FAM184A: variants seen among roughly 807,000 people sequenced by gnomAD.
The protein encoded by FAM184A is protein FAM184A.
In FAM184A, 99 loss-of-function variants were observed where a neutral mutation model predicts 143.8. The observed-to-expected ratio is 0.69, with a 90% CI of 0.58 to 0.81. The LOEUF is 0.81. FAM184A is among the 40% of genes least tolerant of loss of function. The pLI is 0.00. For missense variants in FAM184A, 1,217 were observed against 1,310.5 expected, an observed-to-expected ratio of 0.93 and a Z score of 1.10; for synonymous variants, 427 against 446.4, an observed-to-expected ratio of 0.96 and a Z score of 0.55.
chr6:119,068,004 T>A (rs1582580319), intron 1 of FAM184A, among the ~76,000 whole-genome samples: 1 of 148,832 alleles, frequency 6.7e-6, no homozygotes, highest in Non-Finnish European at 1.5e-5. Flanking sequence ...ACAAACAAAA[T>A]AAAGACATAT....
At chr6:119,015,003 G>A (rs1344638880) in intron 5 of FAM184A, among the ~76,000 whole-genome samples, 1 of 151,722 alleles carries the variant, frequency 6.6e-6, no homozygotes, top group East Asian at 1.9e-4. Context: ...AGGTTGCAAT[G>A]AGCCGAGATT....
At chr6:119,032,918 A>G (rs1006274154) in intron 1 of FAM184A, among the ~76,000 whole-genome samples, 5 of 152,186 alleles carry the variant, frequency 3.3e-5, no homozygotes, top group African/African-American at 2.4e-5. Flanking sequence ...AGAATATTGA[A>G]AACTCTCAAA....
intron 1 of FAM184A, among the ~76,000 whole-genome samples, chr6:119,048,214 T>C (rs993313962): frequency 5.3e-5 from 8 of 152,118 alleles, no homozygotes; most frequent in African/African-American, 1.9e-4. Flanking sequence ...AAACAAGATA[T>C]TGAAGGAACA....
chr6:119,072,278 A>G (rs1002087431), intron 1 of FAM184A, among the ~76,000 whole-genome samples: 9 of 152,340 alleles, frequency 5.9e-5, no homozygotes, highest in Admixed American at 2.6e-4. Flanking sequence ...AATGCAACAA[A>G]TTAATCCAAA....
At chr6:118,985,899 A>T (rs1784177517) in intron 9 of FAM184A, among the ~76,000 whole-genome samples, 1 of 152,228 alleles carries the variant, frequency 6.6e-6, no homozygotes, top group Non-Finnish European at 1.5e-5. Flanking sequence ...CTTAACGAAA[A>T]TGGTCATGTA....
At chr6:119,060,894 G>C (rs1266053514) in intron 1 of FAM184A, among the ~76,000 whole-genome samples, 1 of 152,164 alleles carries the variant, frequency 6.6e-6, no homozygotes, top group Non-Finnish European at 1.5e-5. Flanking sequence ...TGTGCTTCTT[G>C]TACAACCTGC....
chr6:118,980,341 G>C lies in FAM184A; in HGVS notation c.2098C>G (p.Leu700Val). 6.2e-7 allele frequency: 1 copy of C among 1,613,430 alleles called. No homozygotes were observed. Among genetic ancestry groups the C allele is most frequent in the Non-Finnish European group, 8.5e-7 (1 of 1,179,598 alleles). ...VEDLLNQISL[L>V]KQNLEIQLSQ... Reference sequence around the variant, plus strand: ...AGCTGTATCTCCAGATTCTGTTTCAGCAAGGAAATCTATGCCCCAGAATGG... The same window carrying C: ...AGCTGTATCTCCAGATTCTGTTTCACCAAGGAAATCTATGCCCCAGAATGG... Residue 700 changes from leucine to valine, a missense_variant, in exon 10 of 18, where the codon CTG becomes GTG. Coordinates refer to ENST00000338891, the MANE Select transcript of FAM184A (RefSeq NM_024581.6).
chr6:119,009,715 C>T (rs1326554245), intron 6 of FAM184A: 2 of 152,154 alleles, frequency 1.3e-5, no homozygotes, highest in African/African-American at 4.8e-5. Flanking sequence ...TAATTACTTA[C>T]CACCCTTTGT....
At chr6:119,143,789 T>G (rs111420490) in intron 1 of FAM184A, among the ~76,000 whole-genome samples, 2,929 of 152,316 alleles carry the variant, frequency 0.019, 47 homozygotes, top group South Asian at 0.036. Context: ...TAGGAATTAT[T>G]TAATGGGTTT....
At chr6:119,048,057 G>A (rs60170790) in intron 1 of FAM184A, among the ~76,000 whole-genome samples, 4,889 of 152,188 alleles carry the variant, frequency 0.032, 151 homozygotes, top group African/African-American at 0.082. Context: ...TCATCTCCGG[G>A]ATGGAAGGTT....
At chr6:119,125,797 A>C (rs1582637858) in intron 1 of FAM184A, among the ~76,000 whole-genome samples, 1 of 152,304 alleles carries the variant, frequency 6.6e-6, no homozygotes, top group East Asian at 1.9e-4. Flanking sequence ...TGCCCAGAGA[A>C]GTTGTTGGAA....
intron 6 of FAM184A, among the ~76,000 whole-genome samples, chr6:119,007,350 T>A (rs1784953921): frequency 6.6e-6 from 1 of 152,188 alleles, no homozygotes; most frequent in Non-Finnish European, 1.5e-5. Flanking sequence ...CTATTTTTCC[T>A]TGTAAATACA....
chr6:119,099,767 C>T (rs1248687269), intron 1 of FAM184A, among the ~76,000 whole-genome samples: 1 of 152,084 alleles, frequency 6.6e-6, no homozygotes, highest in South Asian at 2.1e-4. Flanking sequence ...GGGGGCGCAC[C>T]TGAAGAGGGC....
chr6:119,006,646 T>A (rs763425765), intron 6 of FAM184A, 38 bp from the exon 7 acceptor site: 6 of 1,458,274 alleles, frequency 4.1e-6, no homozygotes, highest in Non-Finnish European at 5.6e-6. Flanking sequence ...TATTTCATTG[T>A]AATAGAATAG....
chr6:118,985,329 C>G (rs1296466946), intron 9 of FAM184A, among the ~76,000 whole-genome samples: 1 of 152,220 alleles, frequency 6.6e-6, no homozygotes, highest in Admixed American at 6.5e-5. Flanking sequence ...GAAACAAACA[C>G]CACTTCAAAT....
At chr6:119,060,660 C>T (rs1422099822) in intron 1 of FAM184A, among the ~76,000 whole-genome samples, 1 of 152,110 alleles carries the variant, frequency 6.6e-6, no homozygotes, top group African/African-American at 2.4e-5. Flanking sequence ...GAGGTGGGGC[C>T]TGGTGGGAGG....
chr6:119,132,693 C>G (rs956681569), intron 1 of FAM184A, among the ~76,000 whole-genome samples: 2 of 152,232 alleles, frequency 1.3e-5, no homozygotes, highest in African/African-American at 4.8e-5. Flanking sequence ...GCTCTCTTTT[C>G]TTTTGAATGA....
At chr6:119,144,892 T>A (rs1371980379) in intron 1 of FAM184A, among the ~76,000 whole-genome samples, 1 of 152,216 alleles carries the variant, frequency 6.6e-6, no homozygotes, top group Non-Finnish European at 1.5e-5. Context: ...ATTCACAGTC[T>A]GATTTACTTA....
At chr6:119,131,494 A>AT (rs1297069197) in intron 1 of FAM184A, among the ~76,000 whole-genome samples, 1 of 151,658 alleles carries the variant, frequency 6.6e-6, no homozygotes, top group Admixed American at 6.6e-5. Flanking sequence ...TTATTTATTT[A>AT]TTTATTTTTT....
Sources: gnomAD v4.1 joint callset for allele counts (sites outside exome capture counted in the v4.1 genomes callset) on GRCh38, gnomAD v4.1.1 for gene constraint, MANE v1.5 for transcripts, NCBI Gene and HGNC (gene_info 2026-07-23, HGNC 2026-07-21) for gene names.